The following PSEN1 variants were observed in gnomAD, a reference collection of about 807,000 sequenced individuals.
PSEN1 encodes the protein presenilin-1.
A neutral mutation model predicts 53.5 loss-of-function variants in PSEN1; 15 were observed. The observed-to-expected ratio is 0.28, with a 90% CI of 0.19 to 0.43. The LOEUF (loss-of-function observed/expected upper bound fraction) is 0.43. Among genes scored for constraint, PSEN1 ranks in the 20% least tolerant of loss-of-function variants. The pLI is 1.00. For missense variants in PSEN1, 387 were observed against 571.2 expected (o/e 0.68, Z 3.29); for synonymous variants, 208 against 209.8 (o/e 0.99, Z 0.08).
chr14:73,152,910 G>A (rs1594971701), intron 3 of PSEN1, among the ~76,000 whole-genome samples: 2 of 152,128 alleles, frequency 1.3e-5, no homozygotes, highest in African/African-American at 4.8e-5. Flanking sequence ...AGGTGTGGTG[G>A]TGCGCCCTTG....
intron 3 of PSEN1, among the ~76,000 whole-genome samples, chr14:73,161,893 G>GC (rs1897550531): frequency 6.6e-6 from 1 of 150,946 alleles, no homozygotes; most frequent in Non-Finnish European, 1.5e-5. Flanking sequence ...AGTGGCTCAC[G>GC]CCTGTAATCC....
chr14:73,175,992 T>C (rs1898038651), intron 5 of PSEN1, among the ~76,000 whole-genome samples: 1 of 152,214 alleles, frequency 6.6e-6, no homozygotes, highest in Admixed American at 6.5e-5. Context: ...GTAAAGAAAA[T>C]GTCTTAATTT....
At chr14:73,194,431 A>G (rs989589086) in intron 7 of PSEN1, among the ~76,000 whole-genome samples, 9 of 152,068 alleles carry the variant, frequency 5.9e-5, no homozygotes, top group Middle Eastern at 3.4e-3. Context: ...TTTTTAAAAA[A>G]AAATTTTTTT....
chr14:73,139,282 T>G (rs574837074), intron 1 of PSEN1: 1 of 146,418 alleles, frequency 6.8e-6, no homozygotes, highest in South Asian at 2.2e-4. Context: ...GACTTCGTTT[T>G]TTTTTTAAAA....
intron 3 of PSEN1, among the ~76,000 whole-genome samples, chr14:73,152,456 A>G (rs191214678): frequency 2.0e-5 from 3 of 151,168 alleles, no homozygotes; most frequent in Admixed American, 2.0e-4. Flanking sequence ...AAAAAAAAAA[A>G]AGTCAATGGG....
chr14:73,182,298 A>G (rs1264139696), intron 5 of PSEN1, among the ~76,000 whole-genome samples: 1 of 151,744 alleles, frequency 6.6e-6, no homozygotes, highest in Non-Finnish European at 1.5e-5. Context: ...TGGGCAACAG[A>G]GTGAGACCCC....
intron 1 of PSEN1, among the ~76,000 whole-genome samples, chr14:73,137,853 G>A (rs1896790062): frequency 6.6e-6 from 1 of 152,132 alleles, no homozygotes. Flanking sequence ...GGAGGCCGCG[G>A]GGCGGATCCT....
rs1270782780 is a variant in PSEN1 at position 73,220,389 on chromosome 14, T to G, written c.*1100T>G. 2.6e-5 allele frequency: 4 copies of G among 152,620 alleles called. No homozygotes were observed. The allele number at this position is 152,620 out of a possible 1,614,324, so 9.5% of individuals were successfully genotyped here. ...ACGGTAGAATTAAAGAAGAGTAAAA[T>G]GGCTGTTGAAGCACTTTCTGTCCTG... On this transcript the variant is annotated 3_prime_UTR_variant, in exon 12 of 12. Transcript: ENST00000324501.
Position 73,171,769 on chromosome 14 carries a change from C to T in PSEN1, c.338+722C>T, listed in dbSNP as rs150940566. On this transcript the variant is annotated intron_variant, in intron 4 of 11. Coordinates refer to ENST00000324501, the MANE Select transcript of PSEN1 (RefSeq NM_000021.4). Reference sequence around the variant, plus strand: ...CAGGTAATGGAAAAACATTGCTTTACGAGGAAGTTAAGTTTAAAAGTAGAA... The same window carrying T: ...CAGGTAATGGAAAAACATTGCTTTATGAGGAAGTTAAGTTTAAAAGTAGAA... Among the ~76,000 whole-genome samples the T allele has an allele frequency of 2.3e-3, 345 of 152,266 alleles. 1 individual carries two copies. The highest frequency in any genetic ancestry group is 7.8e-3 in the African/African-American group (323 of 41,542).
intron 8 of PSEN1, among the ~76,000 whole-genome samples, chr14:73,202,462 ATTTTTTTTTTTTTT>A (rs1166113102): frequency 6.1e-4 from 7 of 11,524 alleles, no homozygotes; most frequent in African/African-American, 3.0e-3. Flanking sequence ...ATATATATAT[ATTTTTTTTTTTTTT>A]TTTTTTTTTT....
At chr14:73,215,476 G>A (rs117236337) in intron 10 of PSEN1, among the ~76,000 whole-genome samples, 3,037 of 151,654 alleles carry the variant, frequency 0.02, 46 homozygotes, top group Non-Finnish European at 0.03. Flanking sequence ...CCAGCTATTC[G>A]AGAGGCTGCG....
chr14:73,202,885 CTATT>C (rs1489226560), intron 8 of PSEN1, among the ~76,000 whole-genome samples: 1 of 152,068 alleles, frequency 6.6e-6, no homozygotes, highest in Non-Finnish European at 1.5e-5. Context: ...GTTCTCAAGT[CTATT>C]TAATAACCAC....
chr14:73,192,814 AC>A lies in PSEN1; in HGVS notation c.721del (p.Leu241SerfsTer12). 1 of 1,613,812 alleles carries A rather than the reference AC, an allele frequency of 6.2e-7. No individual in the cohort carries two copies. Among genetic ancestry groups the A allele is most frequent in the Non-Finnish European group, 8.5e-7 (1 of 1,179,896 alleles). On this transcript the variant is annotated frameshift_variant, in exon 7 of 12. Transcript: ENST00000324501. LOFTEE classifies it high-confidence loss of function. ...SALMALVFIK[Y>X]LPEWTAWLIL... Reference sequence around the variant, plus strand: ...CTCATGGCCCTGGTGTTTATCAAGTACCTCCCTGAATGGACTGCGTGGCTCA... The same window carrying A: ...CTCATGGCCCTGGTGTTTATCAAGTACTCCCTGAATGGACTGCGTGGCTCA...
chr14:73,149,814 C>T (rs1243444301), intron 3 of PSEN1, among the ~76,000 whole-genome samples: 1 of 152,196 alleles, frequency 6.6e-6, no homozygotes, highest in Non-Finnish European at 1.5e-5. Context: ...AGTACTATTA[C>T]AGTTCTATAT....
intron 3 of PSEN1, among the ~76,000 whole-genome samples, chr14:73,149,109 A>G (rs1897149208): frequency 6.6e-6 from 1 of 152,052 alleles, no homozygotes; most frequent in African/African-American, 2.4e-5. Context: ...GTGGGGTCAG[A>G]TTTTCCTCTG....
At chr14:73,186,439 C>A (rs951558509) in intron 5 of PSEN1, among the ~76,000 whole-genome samples, 1 of 152,006 alleles carries the variant, frequency 6.6e-6, no homozygotes, top group Non-Finnish European at 1.5e-5. Flanking sequence ...TAAAGCCATT[C>A]TGTTGGCCTT....
intron 1 of PSEN1, among the ~76,000 whole-genome samples, chr14:73,145,188 C>T (rs922796397): frequency 2.0e-5 from 3 of 152,156 alleles, no homozygotes; most frequent in South Asian, 4.2e-4. Context: ...CCACTGCGTC[C>T]GGCCTACTTA....
chr14:73,193,178 T>C, intron 7 of PSEN1, among the ~76,000 whole-genome samples: 1 of 151,890 alleles, frequency 6.6e-6, no homozygotes, highest in East Asian at 1.9e-4. Flanking sequence ...GGCATGGTGG[T>C]GCACACCTGT....
At chr14:73,184,926 C>T (rs377464253) in intron 5 of PSEN1, among the ~76,000 whole-genome samples, 18,170 of 137,952 alleles carry the variant, frequency 0.13, 1,167 homozygotes, top group South Asian at 0.21. Context: ...ACCTCCCAGA[C>T]GGGGTCGCGG....
Sources: gnomAD v4.1 joint callset for allele counts (sites outside exome capture counted in the v4.1 genomes callset) on GRCh38, gnomAD v4.1.1 for gene constraint, MANE v1.5 for transcripts, NCBI Gene and HGNC (gene_info 2026-07-23, HGNC 2026-07-21) for gene names.